The following LYPD6B variants were observed in gnomAD, a reference collection of about 807,000 sequenced individuals.
LYPD6B encodes LY6/PLAUR domain containing 6B.
Under a neutral mutation model 22.8 loss-of-function variants are expected in LYPD6B, and 17 were observed. That is an observed-to-expected ratio of 0.75 (90% CI 0.51 to 1.12). LYPD6B has a LOEUF of 1.12. Among genes scored for constraint, LYPD6B ranks in the 50% most tolerant of loss-of-function variants. The probability of loss-of-function intolerance (pLI) is 0.00; values close to 1 mark genes in which losing one functional copy is unlikely to be tolerated. For missense variants in LYPD6B, 221 were observed against 258.3 expected (o/e 0.86, Z 0.99); for synonymous variants, 106 against 91.6 (o/e 1.16, Z -0.90).
At chr2:149,085,429 T>A (rs1335129584) in intron 1 of LYPD6B, among the ~76,000 whole-genome samples, 1 of 152,252 alleles carries the variant, frequency 6.6e-6, no homozygotes, top group Non-Finnish European at 1.5e-5. Context: ...AAGGGAAGAC[T>A]TTGGCCCCCT....
chr2:149,184,149 G>T (rs913707143), intron 3 of LYPD6B, among the ~76,000 whole-genome samples: 1 of 151,420 alleles, frequency 6.6e-6, no homozygotes, highest in Non-Finnish European at 1.5e-5. Context: ...CCAAGATTGA[G>T]CCATTGCACT....
At chr2:149,153,397 G>A (rs1289922822) in intron 2 of LYPD6B, among the ~76,000 whole-genome samples, 2 of 152,156 alleles carry the variant, frequency 1.3e-5, no homozygotes, top group Admixed American at 1.3e-4. Context: ...GCCACTGAAA[G>A]CTTGTGGACA....
chr2:149,092,019 G>A (rs1365074858), intron 1 of LYPD6B, among the ~76,000 whole-genome samples: 1 of 152,030 alleles, frequency 6.6e-6, no homozygotes, highest in Admixed American at 6.6e-5. Context: ...GTGGAAGGGT[G>A]GGTGGGGAGT....
At chr2:149,107,434 A>C (rs1380095665) in intron 1 of LYPD6B, among the ~76,000 whole-genome samples, 1 of 152,232 alleles carries the variant, frequency 6.6e-6, no homozygotes, top group Non-Finnish European at 1.5e-5. Context: ...TTTAGATCAC[A>C]GTTGACCACG....
chr2:149,100,051 T>A (rs73963477), intron 1 of LYPD6B, among the ~76,000 whole-genome samples: 2,112 of 152,272 alleles, frequency 0.014, 47 homozygotes, highest in African/African-American at 0.048. Flanking sequence ...AAGAGAACAT[T>A]TATACCAACT....
intron 3 of LYPD6B, among the ~76,000 whole-genome samples, chr2:149,183,775 G>A (rs1691907040): frequency 6.6e-6 from 1 of 151,998 alleles, no homozygotes; most frequent in African/African-American, 2.4e-5. Context: ...ATAGCGCACA[G>A]TAAGTGCTCA....
intron 1 of LYPD6B, among the ~76,000 whole-genome samples, chr2:149,087,804 G>A (rs1028907827): frequency 6.6e-5 from 10 of 152,250 alleles, no homozygotes; most frequent in Middle Eastern, 6.8e-3. Flanking sequence ...GCCCTATGCC[G>A]TGCATCTACT....
chr2:149,157,009 T>A (rs1575081089), intron 2 of LYPD6B, among the ~76,000 whole-genome samples: 1 of 152,190 alleles, frequency 6.6e-6, no homozygotes, highest in Non-Finnish European at 1.5e-5. Context: ...GTATTCACAG[T>A]TAAAAGTTTA....
chr2:149,099,240 A>G (rs925876917), intron 1 of LYPD6B, among the ~76,000 whole-genome samples: 1 of 152,184 alleles, frequency 6.6e-6, no homozygotes, highest in African/African-American at 2.4e-5. Flanking sequence ...ACAGTAAATA[A>G]CAACTAAAAA....
At chr2:149,045,376 T>G (rs566972530) in intron 1 of LYPD6B, among the ~76,000 whole-genome samples, 1 of 152,030 alleles carries the variant, frequency 6.6e-6, no homozygotes, top group Non-Finnish European at 1.5e-5. Flanking sequence ...CAGATTTTGG[T>G]TTAATTTTGT....
rs139465886 is a variant in LYPD6B, at chr2:149,115,340, A to G, written c.-66-15543A>G. ...AAATGGAAATTCTAAGCAGTTTTCT[A>G]TCTACCTTATTGGAATGTTTTCATG... On this transcript the variant is annotated intron_variant, in intron 1 of 6. Transcript: ENST00000409642. Among the ~76,000 whole-genome samples the G allele has an allele frequency of 2.6e-4, 39 of 152,324 alleles. No homozygotes were observed. The East Asian group carries it at 6.5e-3, about 26-fold the overall frequency.
Position 149,211,638 on chromosome 2 carries a change from C to CA in LYPD6B, c.329-1341dup, listed in dbSNP as rs796267622. Among the ~76,000 whole-genome samples the CA allele has an allele frequency of 3.0e-3, 420 of 139,894 alleles. 2 individuals are homozygous for CA. The highest frequency in any genetic ancestry group is 3.7e-3 in the Middle Eastern group (1 of 268). The allele number at this position is 139,894 out of a possible 152,430, so 91.8% of individuals were successfully genotyped here. A position where few individuals can be genotyped will look rare whatever the true frequency, so the allele number is the denominator to read the frequency against. The stretch of plus-strand genomic sequence containing the variant: ...TTATTATCTATCATTTTACTAAAAC[C>CA]AAAAAAAAAAAAATGAGCTCAGAAG... On this transcript the variant is annotated intron_variant, in intron 5 of 6. Coordinates refer to ENST00000409642, the MANE Select transcript of LYPD6B (RefSeq NM_177964.5).
rs536949904 is a variant in LYPD6B at position 149,119,856 on chromosome 2, A to AT, written c.-66-11026dup. 1.7e-3 allele frequency among the ~76,000 whole-genome samples: 262 copies of AT among 152,298 alleles called. 1 individual carries two copies. Among genetic ancestry groups the AT allele is most frequent in the African/African-American group, 6.0e-3 (249 of 41,548 alleles). On this transcript the variant is annotated intron_variant, in intron 1 of 6. Transcript: ENST00000409642. The stretch of plus-strand genomic sequence containing the variant: ...GAACAACAACAAATAGTCTAAGGAA[A>AT]TGCTTTCATTTTAAATTGTCCCAGC...
chr2:149,168,211 C>CAAAAAAAAAAAAAAAAAAAAAAAAAA (rs386391472), intron 3 of LYPD6B, among the ~76,000 whole-genome samples: 1 of 48,488 alleles, frequency 2.1e-5, no homozygotes, highest in Non-Finnish European at 4.1e-5. Context: ...GGCTCTGTCT[C>CAAAAAAAAAAAAAAAAAAAAAAAAAA]AAAAAAAAAA....
chr2:149,159,343 A>G (rs1243552016), intron 2 of LYPD6B, among the ~76,000 whole-genome samples: 2 of 152,036 alleles, frequency 1.3e-5, no homozygotes, highest in South Asian at 2.1e-4. Context: ...TAGTGTGTCT[A>G]TTTTCTTCTT....
intron 2 of LYPD6B, among the ~76,000 whole-genome samples, chr2:149,150,428 T>A (rs1689296689): frequency 6.6e-6 from 1 of 152,210 alleles, no homozygotes; most frequent in South Asian, 2.1e-4. Flanking sequence ...TAATTCTGTA[T>A]CAGCAAAATT....
intron 1 of LYPD6B, 75 bp from the exon 2 acceptor site, chr2:149,130,808 C>A (rs1303507467): frequency 1.4e-6 from 1 of 699,164 alleles, no homozygotes; most frequent in Non-Finnish European, 2.5e-6. Flanking sequence ...AAACCCCCTA[C>A]TTACTTAAAA....
intron 1 of LYPD6B, among the ~76,000 whole-genome samples, chr2:149,063,948 T>C (rs1315067971): frequency 6.6e-6 from 1 of 152,220 alleles, no homozygotes; most frequent in Admixed American, 6.5e-5. Flanking sequence ...ATTAACAATA[T>C]GTTATAACTG....
Position 149,160,760 on chromosome 2 carries a change from GT to G in LYPD6B, c.6-3del. On this transcript the variant is annotated splice_region_variant and splice_polypyrimidine_tract_variant and intron_variant, in intron 2 of 6. Transcript: ENST00000409642. ...CTTTCCTTATCTTTTTTTATCTCTG[GT>G]AGGCTGATTACTCTGAGTGCAAACC... 1 of 1,550,916 alleles carries G rather than the reference GT, an allele frequency of 6.4e-7. No individual in the cohort carries two copies. The highest frequency in any genetic ancestry group is 8.7e-7 in the Non-Finnish European group (1 of 1,145,168).
Sources: allele counts gnomAD v4.1 joint callset (sites outside exome capture counted in the v4.1 genomes callset), GRCh38; gene constraint gnomAD v4.1.1; transcripts MANE v1.5; gene names NCBI Gene and HGNC (gene_info 2026-07-23, HGNC 2026-07-21).